The following RCOR3 variants were observed in gnomAD, a reference collection of about 807,000 sequenced individuals.
RCOR3 encodes the protein REST corepressor 3.
RCOR3 carries 13 observed loss-of-function variants against 64.1 expected under a neutral mutation model. The ratio of observed to expected loss-of-function variants is 0.20; its 90% confidence interval spans 0.13 to 0.32. The LOEUF (loss-of-function observed/expected upper bound fraction) is 0.32. Ranked by LOEUF, RCOR3 falls within the 10% of genes least tolerant of loss-of-function variation. RCOR3 has a pLI of 1.00. For synonymous variants in RCOR3, 215 were observed against 239.0 expected, an observed-to-expected ratio of 0.90 and a Z score of 0.93; for missense variants, 489 against 701.2, an observed-to-expected ratio of 0.70 and a Z score of 3.42.
At chr1:211,311,663 T>A (rs1242091938) in intron 10 of RCOR3, among the ~76,000 whole-genome samples, 2 of 152,118 alleles carry the variant, frequency 1.3e-5, no homozygotes, top group Non-Finnish European at 2.9e-5. Context: ...GCCCCCATAT[T>A]TTTGTCTCCT....
intron 7 of RCOR3, among the ~76,000 whole-genome samples, chr1:211,282,696 G>A (rs960818206): frequency 5.9e-5 from 9 of 152,020 alleles, no homozygotes; most frequent in Non-Finnish European, 1.2e-4. Flanking sequence ...ATGGGGTTTC[G>A]CCATGTTGGC....
chr1:211,273,591 C>G (rs1696542040), intron 3 of RCOR3, among the ~76,000 whole-genome samples: 1 of 152,176 alleles, frequency 6.6e-6, no homozygotes, highest in Admixed American at 6.5e-5. Context: ...GCCAGTTTAT[C>G]ATCATTGAAA....
rs139932751 is a variant in RCOR3 at position 211,291,045 on chromosome 1, A to G, written c.939+1649A>G. 8.8e-3 allele frequency among the ~76,000 whole-genome samples: 1,333 copies of G among 151,890 alleles called. 10 individuals are homozygous for G. The highest frequency in any genetic ancestry group is 0.024 in the Middle Eastern group (7 of 294). On this transcript the variant is annotated intron_variant, in intron 8 of 11. Transcript: ENST00000419091. The stretch of plus-strand genomic sequence containing the variant: ...TTAGCTTATCACTGCATATTTAGTT[A>G]ATATTACAGTAGTCCTCCCTTAATC...
intron 4 of RCOR3, among the ~76,000 whole-genome samples, chr1:211,275,207 ATAAG>A (rs780920501): frequency 4.6e-5 from 7 of 151,986 alleles, no homozygotes; most frequent in Non-Finnish European, 8.8e-5. Flanking sequence ...TTGTTTTAAG[ATAAG>A]TAAGAAAGGT....
intron 3 of RCOR3, 154 bp downstream of exon 3, chr1:211,271,463 G>T (rs1696201072): frequency 1.5e-6 from 1 of 667,854 alleles, no homozygotes; most frequent in Non-Finnish European, 2.7e-6. Context: ...TTTTAATGGA[G>T]GTTGTTATAT....
intron 5 of RCOR3, 73 bp from the exon 6 acceptor site, chr1:211,278,044 G>C: frequency 7.5e-7 from 1 of 1,337,600 alleles, no homozygotes; most frequent in Non-Finnish European, 1.0e-6. Flanking sequence ...TTACTAAATA[G>C]TAAAGATATC....
intron 10 of RCOR3, among the ~76,000 whole-genome samples, chr1:211,307,258 G>A (rs1221074950): frequency 6.6e-6 from 1 of 152,168 alleles, no homozygotes; most frequent in Non-Finnish European, 1.5e-5. Flanking sequence ...GGAGGCTGAG[G>A]TAGGTGGATC....
intron 4 of RCOR3, among the ~76,000 whole-genome samples, chr1:211,276,030 A>C (rs775983138): frequency 1.8e-4 from 27 of 152,204 alleles, no homozygotes; most frequent in Non-Finnish European, 3.7e-4. Flanking sequence ...TAGATTCTGC[A>C]GCAAATATGG....
At chr1:211,276,488 AATT>A (rs1696970036) in intron 5 of RCOR3, 70 bp downstream of exon 5, 7 of 1,249,712 alleles carry the variant, frequency 5.6e-6, no homozygotes, top group Non-Finnish European at 7.8e-6. Context: ...AACACTTCCT[AATT>A]ATTAAATACA....
At chr1:211,294,676 A>G (rs2358217) in intron 8 of RCOR3, among the ~76,000 whole-genome samples, 143,856 of 150,436 alleles carry the variant, frequency 0.96, 68,826 homozygotes, top group East Asian at 1. Context: ...TGCAAGCTCC[A>G]CCTCCTGGGT....
At chr1:211,308,698 T>TTTTTTTTTTTTTTTTTTTTTTTTTTTTG (rs1701171863) in intron 10 of RCOR3, among the ~76,000 whole-genome samples, 1 of 40,846 alleles carries the variant, frequency 2.4e-5, no homozygotes, top group African/African-American at 6.9e-5. Flanking sequence ...TTTTTTTTTT[T>TTTTTTTTTTTTTTTTTTTTTTTTTTTTG]TGTGTAGTCC....
At chr1:211,287,922 G>A (rs1022362815) in intron 7 of RCOR3, among the ~76,000 whole-genome samples, 3 of 151,902 alleles carry the variant, frequency 2.0e-5, no homozygotes, top group African/African-American at 7.3e-5. Context: ...AGAAATTGGA[G>A]TATTAGGCCG....
At chr1:211,275,286 T>C (rs1558058690) in intron 4 of RCOR3, among the ~76,000 whole-genome samples, 1 of 152,050 alleles carries the variant, frequency 6.6e-6, no homozygotes, top group Non-Finnish European at 1.5e-5. Context: ...TAAAGGAATG[T>C]TTTTGTGAAA....
chr1:211,271,642 G>A (rs185664074), intron 3 of RCOR3: 9 of 437,180 alleles, frequency 2.1e-5, no homozygotes, highest in South Asian at 6.9e-5. Context: ...TATATGGAGC[G>A]GTAAAGACAT....
At chr1:211,289,020 G>A (rs1698919194) in intron 7 of RCOR3, among the ~76,000 whole-genome samples, 158 bp from the exon 8 acceptor site, 1 of 151,930 alleles carries the variant, frequency 6.6e-6, no homozygotes, top group Admixed American at 6.6e-5. Flanking sequence ...TGAGTGTTAT[G>A]TGTGTGTGTG....
chr1:211,260,658 G>A (rs1390373607), intron 2 of RCOR3, among the ~76,000 whole-genome samples: 1 of 150,680 alleles, frequency 6.6e-6, no homozygotes, highest in Non-Finnish European at 1.5e-5. Flanking sequence ...GCGCAGCCGG[G>A]ATTGTCTCTT....
intron 2 of RCOR3, chr1:211,267,830 C>G (rs1571798014): frequency 5.4e-6 from 2 of 367,988 alleles, no homozygotes; most frequent in East Asian, 1.2e-4. Context: ...GGGGCTCAAG[C>G]CATCCGCCCT....
intron 10 of RCOR3, among the ~76,000 whole-genome samples, chr1:211,308,661 GTTTTTTTTTTTGT>G (rs1159987381): frequency 7.3e-5 from 2 of 27,488 alleles, no homozygotes; most frequent in African/African-American, 1.1e-4. Flanking sequence ...TTTTGGATGT[GTTTTTTTTTTTGT>G]TTTTTTTTTG....
chr1:211,296,502 G>C (rs550031136), intron 9 of RCOR3, among the ~76,000 whole-genome samples: 144 of 152,076 alleles, frequency 9.5e-4, no homozygotes, highest in Non-Finnish European at 1.7e-3. Flanking sequence ...TTTTTCCCCA[G>C]AAGGGGAAAA....
Sources: gnomAD v4.1 joint callset for allele counts (sites outside exome capture counted in the v4.1 genomes callset) on GRCh38, gnomAD v4.1.1 for gene constraint, MANE v1.5 for transcripts, NCBI Gene and HGNC (gene_info 2026-07-23, HGNC 2026-07-21) for gene names.